The following ARHGAP23 variants were observed in gnomAD, a reference collection of about 807,000 sequenced individuals.
ARHGAP23 encodes Rho GTPase activating protein 23, also known as rho GTPase-activating protein 23.
In ARHGAP23, 34 loss-of-function variants were observed where a neutral mutation model predicts 136.3. The observed-to-expected ratio is 0.25, with a 90% CI of 0.19 to 0.33. The LOEUF is 0.33. Ranked by LOEUF, ARHGAP23 falls within the 10% of genes least tolerant of loss-of-function variation. The pLI is 1.00. For synonymous variants in ARHGAP23, 832 were observed against 920.5 expected, an observed-to-expected ratio of 0.90 and a Z score of 1.74; for missense variants, 1,808 against 2,139.0, an observed-to-expected ratio of 0.85 and a Z score of 3.05.
intron 11 of ARHGAP23, among the ~76,000 whole-genome samples, chr17:38,473,496 G>T: frequency 6.6e-6 from 1 of 152,290 alleles, no homozygotes; most frequent in Non-Finnish European, 1.5e-5. Flanking sequence ...CGGGACTGGC[G>T]CTCCTCTGTG....
intron 6 of ARHGAP23, among the ~76,000 whole-genome samples, 187 bp from the exon 7 acceptor site, chr17:38,465,980 T>G (rs570300784): frequency 5.3e-5 from 8 of 151,946 alleles, no homozygotes; most frequent in Admixed American, 1.3e-4. Flanking sequence ...GCTTCTTGCT[T>G]CTTCTTTGTT....
chr17:38,431,956 A>G (rs984316189), intron 1 of ARHGAP23, among the ~76,000 whole-genome samples: 6 of 152,170 alleles, frequency 3.9e-5, no homozygotes, highest in African/African-American at 1.4e-4. Flanking sequence ...GGATGAGTGG[A>G]CAATGTATCC....
intron 1 of ARHGAP23, among the ~76,000 whole-genome samples, chr17:38,443,209 C>G (rs573521586): frequency 3.3e-5 from 5 of 152,204 alleles, no homozygotes; most frequent in African/African-American, 4.8e-5. Context: ...CCCCAAGCCT[C>G]GGTGCCCCTG....
chr17:38,429,137 G>A (rs999496406), intron 1 of ARHGAP23, among the ~76,000 whole-genome samples: 28 of 152,244 alleles, frequency 1.8e-4, no homozygotes, highest in African/African-American at 6.8e-4. Flanking sequence ...CACAGGCCCA[G>A]GACCCCGGGC....
At chr17:38,472,987 A>G (rs1287522907) in intron 11 of ARHGAP23, among the ~76,000 whole-genome samples, 1 of 151,988 alleles carries the variant, frequency 6.6e-6, no homozygotes, top group Non-Finnish European at 1.5e-5. Context: ...CCCAGGCTGG[A>G]GTGCAGTGGC....
intron 2 of ARHGAP23, 129 bp from the exon 3 acceptor site, chr17:38,460,776 C>G (rs2039440804): frequency 1.3e-6 from 2 of 1,528,024 alleles, no homozygotes; most frequent in African/African-American, 1.4e-5. Flanking sequence ...CGCACCCTCC[C>G]CTGCTGGGCT....
In ARHGAP23 at chr17:38,485,928, A is replaced by G. The variant is rs529860709; in HGVS notation, c.2908-134A>G. 1.0e-4 allele frequency: 78 copies of G among 747,644 alleles called. 1 individual carries two copies. The South Asian group carries it at 1.4e-3, about 13-fold the overall frequency. The allele number at this position is 747,644 out of a possible 1,614,324, so 46.3% of individuals were successfully genotyped here. ...ACTCAGTTCTGCTGCCACCATCCTG[A>G]TGAGTAGAGAGCTTGGTCTAAGTAG... On this transcript the variant is annotated intron_variant, in intron 16 of 23. Transcript: ENST00000622683.
At chr17:38,482,440 C>A (rs1443281258) in intron 15 of ARHGAP23, 83 bp from the exon 16 acceptor site, 3 of 1,303,772 alleles carry the variant, frequency 2.3e-6, no homozygotes, top group Non-Finnish European at 2.1e-6. Context: ...GGCAGCAGCT[C>A]TGGGCCTTGC....
chr17:38,439,234 G>C (rs923471918), intron 1 of ARHGAP23, among the ~76,000 whole-genome samples: 1 of 151,192 alleles, frequency 6.6e-6, no homozygotes. Context: ...GAAACTTGCT[G>C]TACCGTCTCT....
chr17:38,461,832 G>A (rs1178623261), intron 3 of ARHGAP23, among the ~76,000 whole-genome samples: 1 of 152,176 alleles, frequency 6.6e-6, no homozygotes, highest in East Asian at 1.9e-4. Context: ...GAACTGTTAT[G>A]GCCTCTTGTA....
intron 20 of ARHGAP23, among the ~76,000 whole-genome samples, chr17:38,495,585 T>C (rs2040374562): frequency 6.6e-6 from 1 of 152,142 alleles, no homozygotes; most frequent in Admixed American, 6.5e-5. Flanking sequence ...TATCTCTTTC[T>C]TCTTTCCCTT....
In ARHGAP23 at chr17:38,482,663, C is replaced by A. The variant is rs1264754569; in HGVS notation, c.2892C>A (p.Ile964=). The A allele has an allele frequency of 6.5e-7, 1 of 1,548,238 alleles. No homozygotes were observed. The highest frequency in any genetic ancestry group is 2.0e-5 in the Admixed American group (1 of 50,948). The change falls in exon 16 of 24, where the codon ATC becomes ATA. Residue 964 remains isoleucine, a synonymous_variant. Coordinates refer to ENST00000622683, the MANE Select transcript of ARHGAP23 (RefSeq NM_001199417.2). Reference sequence around the variant, plus strand: ...AGCTCAACCGCGGGCCTGGTGACATCAACCTGCAGGATGAGGTGGGTGAAG... The same window carrying A: ...AGCTCAACCGCGGGCCTGGTGACATAAACCTGCAGGATGAGGTGGGTGAAG... ...QEQLNRGPGD[I]NLQDERWQDL...
chr17:38,498,940 T>C, intron 22 of ARHGAP23: 1 of 530,196 alleles, frequency 1.9e-6, no homozygotes, highest in East Asian at 4.7e-5. Flanking sequence ...AGCGGACCTG[T>C]TGGAGATTTA....
intron 14 of ARHGAP23, among the ~76,000 whole-genome samples, chr17:38,481,097 C>G (rs1197288182): frequency 6.6e-6 from 1 of 152,054 alleles, no homozygotes; most frequent in African/African-American, 2.4e-5. Context: ...TGCCTCAGCC[C>G]CGCTAGTAAC....
At position 38,437,069 on chromosome 17, in the gene ARHGAP23, C is replaced by T. The variant is rs1368592612; in HGVS notation, c.63+8521C>T. On this transcript the variant is annotated intron_variant, in intron 1 of 23. Coordinates refer to ENST00000622683, the MANE Select transcript of ARHGAP23 (RefSeq NM_001199417.2). ...AGGGGGTGTATAATTACAGATGCAA[C>T]GACTGAGACCTGGAGTGGGCAAATA... Among the ~76,000 whole-genome samples the T allele has an allele frequency of 3.9e-5, 6 of 152,152 alleles. No homozygotes were observed. In the South Asian group the frequency reaches 6.2e-4, roughly 16 times the overall value.
At chr17:38,442,780 G>A (rs1344963585) in intron 1 of ARHGAP23, among the ~76,000 whole-genome samples, 1 of 152,250 alleles carries the variant, frequency 6.6e-6, no homozygotes, top group East Asian at 1.9e-4. Context: ...CAGAGGAAGA[G>A]GGTGTGGTGA....
At chr17:38,427,399 G>T (rs2038586153), upstream of ARHGAP23, among the ~76,000 whole-genome samples, 1 of 152,088 alleles carries the variant, frequency 6.6e-6, no homozygotes, top group Non-Finnish European at 1.5e-5. Context: ...TGGGGGCAGA[G>T]GTTTCAGTGA....
intron 1 of ARHGAP23, among the ~76,000 whole-genome samples, chr17:38,441,150 G>A (rs1320633094): frequency 2.6e-5 from 4 of 152,222 alleles, no homozygotes; most frequent in Admixed American, 2.6e-4. Flanking sequence ...AGACCTGCCT[G>A]CTGCTGTGTA....
Position 38,510,375 on chromosome 17 carries a change from G to A in ARHGAP23, c.3879G>A (p.Ala1293=), listed in dbSNP as rs143133682. The A allele has an allele frequency of 0.077, 96,292 of 1,243,392 alleles. 3,993 individuals are homozygous for A. Among genetic ancestry groups the A allele is most frequent in the South Asian group, 0.17 (4,738 of 27,992 alleles). 77.0% of individuals were successfully genotyped at this position (1,243,392 alleles called of 1,614,324 possible). The stretch of plus-strand genomic sequence containing the variant: ...TGGAGACGGACACTGAGGGCGCGGC[G>A]GGCGCGGGGCCTGGGGGGCGCCTGA... The part of the protein sequence containing the change: ...SHVETDTEGA[A]GAGPGGRLTR... Residue 1293 remains alanine, a synonymous_variant, in exon 24 of 24, where the codon GCG becomes GCA. Coordinates refer to ENST00000622683, the MANE Select transcript of ARHGAP23 (RefSeq NM_001199417.2). This position sits in a 1 kb window ranked among gnomAD's most constrained non-coding sequence, Gnocchi z 4.6.
Sources: gnomAD v4.1 joint callset for allele counts (sites outside exome capture counted in the v4.1 genomes callset) on GRCh38, gnomAD v4.1.1 for gene constraint, Gnocchi (gnomAD v3.1) non-coding constraint, MANE v1.5 for transcripts, NCBI Gene and HGNC (gene_info 2026-07-23, HGNC 2026-07-21) for gene names.